The following NLGN4Y variants were observed in gnomAD, a reference collection of about 807,000 sequenced individuals.
NLGN4Y encodes the protein neuroligin 4 Y-linked.
Under a neutral mutation model 8.4 loss-of-function variants are expected in NLGN4Y, and 4 were observed. The observed-to-expected ratio is 0.48, with a 90% confidence interval of 0.23 to 1.09. The LOEUF is 1.09. NLGN4Y is among the 50% of genes least tolerant of loss of function. The pLI, the probability that NLGN4Y is intolerant of heterozygous loss-of-function variation, is 0.19. For missense variants in NLGN4Y, 90 were observed against 192.3 expected, an observed-to-expected ratio of 0.47 and a Z score of 3.15; for synonymous variants, 35 against 75.6, an observed-to-expected ratio of 0.46 and a Z score of 2.78.
chrY:14,664,502 T>C (rs772517693), intron 2 of NLGN4Y, among the ~76,000 whole-genome samples: 1 of 33,708 alleles, frequency 3.0e-5, no homozygotes, highest in Admixed American at 2.7e-4. Flanking sequence ...TTCACAGACA[T>C]TTTCACATTT....
chrY:14,555,765 T>G, intron 1 of NLGN4Y, among the ~76,000 whole-genome samples: 5 of 33,650 alleles, frequency 1.5e-4, no homozygotes, highest in Admixed American at 1.4e-3. Context: ...TGTGTTGCTA[T>G]TTGACAAAGG....
intron 4 of NLGN4Y, among the ~76,000 whole-genome samples, chrY:14,760,417 C>G: frequency 3.0e-5 from 1 of 32,883 alleles, no homozygotes; most frequent in African/African-American, 1.2e-4. Flanking sequence ...AAAATACACA[C>G]CAGTTTTTCA....
At chrY:14,583,874 G>A (rs1014133605) in intron 1 of NLGN4Y, among the ~76,000 whole-genome samples, 4 of 33,918 alleles carry the variant, frequency 1.2e-4, no homozygotes, top group Admixed American at 1.1e-3. Context: ...AGGCTTTCTG[G>A]TCTTGGGGAA....
At chrY:14,707,091 GTATATATATATATATATATATATATATA>G (rs1460684278) in intron 2 of NLGN4Y, among the ~76,000 whole-genome samples, 2 of 3,887 alleles carry the variant, frequency 5.1e-4, no homozygotes, top group African/African-American at 1.8e-3. Context: ...AATTTTATGT[GTATATATATATATATATATATATATATA>G]TATATATATA....
intron 1 of NLGN4Y, among the ~76,000 whole-genome samples, chrY:14,585,186 C>T (rs993093484): frequency 3.0e-5 from 1 of 33,320 alleles, no homozygotes; most frequent in Non-Finnish European, 7.4e-5. Context: ...TTTCCCATTG[C>T]AGTTAGTAGA....
At chrY:14,757,018 C>T (rs2081062871) in intron 4 of NLGN4Y, among the ~76,000 whole-genome samples, 5 of 26,160 alleles carry the variant, frequency 1.9e-4, no homozygotes, top group African/African-American at 7.7e-4. Flanking sequence ...GATTAGAATT[C>T]CTTGATCACC....
chrY:14,575,141 G>A (rs772038480), intron 1 of NLGN4Y, among the ~76,000 whole-genome samples: 1 of 33,323 alleles, frequency 3.0e-5, no homozygotes, highest in South Asian at 6.8e-4. Context: ...GGCCTGCCTT[G>A]CTAGATTGGG....
At chrY:14,643,927 T>C in intron 2 of NLGN4Y, among the ~76,000 whole-genome samples, 8 of 33,456 alleles carry the variant, frequency 2.4e-4, no homozygotes, top group Admixed American at 2.2e-3. Flanking sequence ...ATCCTCCTTT[T>C]TCAGCTTAGT....
chrY:14,800,261 C>T, intron 4 of NLGN4Y, among the ~76,000 whole-genome samples: 1 of 32,857 alleles, frequency 3.0e-5, no homozygotes, highest in African/African-American at 1.2e-4. Flanking sequence ...AAGGCAACAA[C>T]AGTGAAGGAA....
In NLGN4Y at chrY:14,549,763, G is replaced by C. The variant is rs766736660; in HGVS notation, c.-112+25055G>C. Among the ~76,000 whole-genome samples, 10 of 25,914 alleles carry C rather than the reference G, an allele frequency of 3.9e-4. No individual in the cohort carries two copies. The East Asian group carries it at 9.0e-3, about 23-fold the overall frequency. The allele number at this position is 25,914 out of a possible 37,273, so 69.5% of individuals were successfully genotyped here. Reference sequence around the variant, plus strand: ...ACGTGGGTCCATGAAATCAGCTAGAGAAAAAGAGGGACAGGATGGAGGCTA... The same window carrying C: ...ACGTGGGTCCATGAAATCAGCTAGACAAAAAGAGGGACAGGATGGAGGCTA... On this transcript the variant is annotated intron_variant, in intron 1 of 6. Transcript: ENST00000684976.
At chrY:14,569,632 C>G in intron 1 of NLGN4Y, among the ~76,000 whole-genome samples, 2 of 33,227 alleles carry the variant, frequency 6.0e-5, no homozygotes, top group African/African-American at 1.2e-4. Context: ...AGGTATACAC[C>G]CAGTAATGGG....
intron 4 of NLGN4Y, among the ~76,000 whole-genome samples, chrY:14,792,298 T>C: frequency 6.0e-5 from 2 of 33,196 alleles, no homozygotes; most frequent in African/African-American, 2.3e-4. Context: ...TATCCTGGAC[T>C]CAAATCTGAA....
At chrY:14,833,266 G>A (rs2043186223) in intron 6 of NLGN4Y, among the ~76,000 whole-genome samples, 1 of 32,842 alleles carries the variant, frequency 3.0e-5, no homozygotes, top group Non-Finnish European at 7.4e-5. Context: ...TTGTTTAAAC[G>A]CACATGTTCT....
chrY:14,843,290 C>T lies in NLGN4Y; in HGVS notation c.*2028C>T. 8.2e-6 allele frequency: 1 copy of T among 121,616 alleles called. No individual in the cohort carries two copies. The highest frequency in any genetic ancestry group is 1.0e-4 in the Admixed American group (1 of 9,845). The allele number at this position is 121,616 out of a possible 400,897, so 30.3% of individuals were successfully genotyped here. On this transcript the variant is annotated 3_prime_UTR_variant, in exon 7 of 7. Transcript: ENST00000684976. ...GAAATATTATGATCTGAACTTAGCA[C>T]ACATGAAGCAACATTTCTTTGCTAC... is the stretch of plus-strand genomic sequence containing the variant.
rs200622380 is a variant in NLGN4Y at position 14,803,618 on chromosome Y, T to G, written c.686-20570T>G. Among the ~76,000 whole-genome samples, 57 of 32,741 alleles carry G rather than the reference T, an allele frequency of 1.7e-3. No homozygotes were observed. The East Asian group carries it at 0.042, about 24-fold the overall frequency. 87.8% of individuals were successfully genotyped at this position (32,741 alleles called of 37,273 possible). On this transcript the variant is annotated intron_variant, in intron 4 of 6. Transcript: ENST00000684976. Reference sequence around the variant, plus strand: ...AATTTTGTTCATGTCATAGAAAGAATGAGCTTTAGTAACCTCTTCCATTTA... The same window carrying G: ...AATTTTGTTCATGTCATAGAAAGAAGGAGCTTTAGTAACCTCTTCCATTTA...
chrY:14,804,526 G>C, intron 4 of NLGN4Y, among the ~76,000 whole-genome samples: 1 of 33,392 alleles, frequency 3.0e-5, no homozygotes, highest in Non-Finnish European at 7.4e-5. Context: ...TTGATTATGA[G>C]GACTTCAAGG....
intron 1 of NLGN4Y, among the ~76,000 whole-genome samples, chrY:14,565,459 C>T (rs2080248565): frequency 3.2e-5 from 1 of 31,158 alleles, no homozygotes. Flanking sequence ...AGAGAGAAGA[C>T]AAGATTAGAG....
chrY:14,719,349 A>AT (rs764555464), intron 2 of NLGN4Y, 110 bp from the exon 3 acceptor site: 61 of 107,062 alleles, frequency 5.7e-4, no homozygotes, highest in Middle Eastern at 5.0e-3. Flanking sequence ...TGTTACATTC[A>AT]TTTTTTTTCT....
intron 1 of NLGN4Y, among the ~76,000 whole-genome samples, chrY:14,590,962 C>T (rs762802978): frequency 6.0e-5 from 2 of 33,207 alleles, no homozygotes; most frequent in South Asian, 1.4e-3. Flanking sequence ...TCTGACAAAT[C>T]GTTTGAGAGT....
Sources: gnomAD v4.1 joint callset for allele counts (sites outside exome capture counted in the v4.1 genomes callset) on GRCh38, gnomAD v4.1.1 for gene constraint, MANE v1.5 for transcripts, NCBI Gene and HGNC (gene_info 2026-07-23, HGNC 2026-07-21) for gene names.